VKORC1L1: variants seen among roughly 807,000 people sequenced by gnomAD.
The protein encoded by VKORC1L1 is vitamin K epoxide reductase complex subunit 1-like protein 1.
In VKORC1L1, 2 loss-of-function variants were observed where a neutral mutation model predicts 18.9. The ratio of observed to expected loss-of-function variants is 0.11; its 90% CI spans 0.04 to 0.33. VKORC1L1 has a LOEUF of 0.33. Among genes scored for constraint, VKORC1L1 ranks in the 10% least tolerant of loss-of-function variants. The pLI is 1.00. For missense variants in VKORC1L1, 123 were observed against 224.1 expected (o/e 0.55, Z 2.88); for synonymous variants, 96 against 100.0 (o/e 0.96, Z 0.24).
At chr7:65,917,851 A>ATGTAC (rs1217558979) in intron 1 of VKORC1L1, among the ~76,000 whole-genome samples, 1 of 152,232 alleles carries the variant, frequency 6.6e-6, no homozygotes, top group Non-Finnish European at 1.5e-5. Flanking sequence ...TTTAATGAAC[A>ATGTAC]TGTACGCCTA....
At chr7:65,895,480 A>AATATATATAT (rs1162173957) in intron 1 of VKORC1L1, among the ~76,000 whole-genome samples, 20 of 42,756 alleles carry the variant, frequency 4.7e-4, no homozygotes, top group East Asian at 9.0e-4. Flanking sequence ...AAAAAAAAAA[A>AATATATATAT]ATATATATAT....
chr7:65,873,602 G>A (rs1260020188), intron 1 of VKORC1L1, 37 bp downstream of exon 1: 21 of 1,471,284 alleles, frequency 1.4e-5, no homozygotes, highest in Non-Finnish European at 1.6e-5. Context: ...GAGCGGCCGA[G>A]CGGGGCGAGG....
intron 1 of VKORC1L1, among the ~76,000 whole-genome samples, chr7:65,907,317 A>G (rs1200334564): frequency 2.0e-5 from 3 of 152,010 alleles, no homozygotes; most frequent in Non-Finnish European, 4.4e-5. Context: ...TGTGCCTATA[A>G]TCCCAGCTAC....
rs766044400 is a variant in VKORC1L1, at chr7:65,920,907, GAA to G, written c.195-27762_195-27761del. Among the ~76,000 whole-genome samples the G allele has an allele frequency of 3.3e-5, 4 of 120,150 alleles. No homozygotes were observed. The East Asian group carries it at 1.1e-3, about 33-fold the overall frequency. 78.8% of individuals were successfully genotyped at this position (120,150 alleles called of 152,430 possible). A position where few individuals can be genotyped will look rare whatever the true frequency, so the allele number is the denominator to read the frequency against. ...GAAGGAAGAAAGGAGAAAGGAAAGA[GAA>G]AGAGAAAAAGGAGAAGGAAAGAAAG... On this transcript the variant is annotated intron_variant, in intron 1 of 2. Coordinates refer to ENST00000360768, the MANE Select transcript of VKORC1L1 (RefSeq NM_173517.6).
intron 2 of VKORC1L1, 110 bp downstream of exon 2, chr7:65,948,890 G>A: frequency 7.4e-7 from 1 of 1,343,434 alleles, no homozygotes; most frequent in Non-Finnish European, 1.0e-6. Context: ...AGAACCACTA[G>A]CGTGTACAAC....
chr7:65,919,579 G>A (rs1026477397), intron 1 of VKORC1L1, among the ~76,000 whole-genome samples: 3 of 152,046 alleles, frequency 2.0e-5, no homozygotes, highest in African/African-American at 4.8e-5. Flanking sequence ...AGCAAGTCTT[G>A]GTGGCTCTAC....
intron 1 of VKORC1L1, among the ~76,000 whole-genome samples, chr7:65,909,584 C>T (rs1789465582): frequency 6.6e-6 from 1 of 152,080 alleles, no homozygotes; most frequent in South Asian, 2.1e-4. Flanking sequence ...GTGTGGATCT[C>T]ATTGGTTGAA....
At chr7:65,903,483 G>A (rs1789353280) in intron 1 of VKORC1L1, among the ~76,000 whole-genome samples, 1 of 152,016 alleles carries the variant, frequency 6.6e-6, no homozygotes, top group Non-Finnish European at 1.5e-5. Context: ...CACCTTTAAA[G>A]TGCTTTTTAA....
upstream of VKORC1L1, among the ~76,000 whole-genome samples, chr7:65,868,576 G>T (rs1330341580): frequency 1.3e-5 from 2 of 152,200 alleles, no homozygotes; most frequent in East Asian, 3.8e-4. Context: ...CAACCTAAGT[G>T]TCCATCAACA....
intron 1 of VKORC1L1, among the ~76,000 whole-genome samples, chr7:65,919,456 C>G (rs1470814154): frequency 2.6e-5 from 4 of 152,166 alleles, no homozygotes; most frequent in Admixed American, 6.5e-5. Context: ...GTCTCTGAAG[C>G]CTTTTCTTTC....
At position 65,900,782 on chromosome 7, in the gene VKORC1L1, G is replaced by A. The variant is rs532440867; in HGVS notation, c.194+27217G>A. 5.3e-5 allele frequency among the ~76,000 whole-genome samples: 8 copies of A among 152,294 alleles called. No homozygotes were observed. The South Asian group carries it at 1.2e-3, about 24-fold the overall frequency. ...ATTGCGCCATTGAACTCCTGCCTGG[G>A]TGACAGAGCAAGACTCTGCTAAAAA... On this transcript the variant is annotated intron_variant, in intron 1 of 2. Transcript: ENST00000360768.
rs573516053 is a variant in VKORC1L1 at position 65,945,417 on chromosome 7, T to C, written c.195-3254T>C. Among the ~76,000 whole-genome samples the C allele has an allele frequency of 2.2e-4, 33 of 151,766 alleles. No homozygotes were observed. In the South Asian group the frequency reaches 3.8e-3, roughly 17 times the overall value. ...ACGAGGTCAGCAGATCGAGACCATC[T>C]TGGCTAACACGGTGAAACCCCATCT... On this transcript the variant is annotated intron_variant, in intron 1 of 2. Transcript: ENST00000360768.
intron 1 of VKORC1L1, among the ~76,000 whole-genome samples, chr7:65,898,820 A>G (rs1789261857): frequency 6.6e-6 from 1 of 152,204 alleles, no homozygotes; most frequent in Non-Finnish European, 1.5e-5. Context: ...TTAAACAAGT[A>G]CTTAATACTT....
chr7:65,869,807 G>A (rs932860464), upstream of VKORC1L1, among the ~76,000 whole-genome samples: 10 of 151,574 alleles, frequency 6.6e-5, no homozygotes, highest in South Asian at 2.1e-4. Flanking sequence ...GTGCCACCAC[G>A]CCTGGCTAAT....
chr7:65,909,634 T>C (rs1048843140), intron 1 of VKORC1L1, among the ~76,000 whole-genome samples: 9 of 151,820 alleles, frequency 5.9e-5, no homozygotes, highest in African/African-American at 1.9e-4. Flanking sequence ...TTATAAGGTA[T>C]TTGGTGATCA....
At chr7:65,900,020 T>A (rs1036920401) in intron 1 of VKORC1L1, among the ~76,000 whole-genome samples, 2 of 150,114 alleles carry the variant, frequency 1.3e-5, no homozygotes, top group Non-Finnish European at 3.0e-5. Context: ...AATAGCTTTG[T>A]GCGTGTGTGC....
rs1323311451 is a variant in VKORC1L1, at chr7:65,892,706, T to A, written c.194+19141T>A. ...GTTATTCTAGATGACATGAAGATGATGATGATGATGTTTAGTTCCATTTAT... is the reference window on the plus strand; with the variant it reads ...GTTATTCTAGATGACATGAAGATGAAGATGATGATGTTTAGTTCCATTTAT... On this transcript the variant is annotated intron_variant, in intron 1 of 2. Coordinates refer to ENST00000360768, the MANE Select transcript of VKORC1L1 (RefSeq NM_173517.6). Among the ~76,000 whole-genome samples the A allele has an allele frequency of 2.6e-5, 4 of 152,330 alleles. No individual in the cohort carries two copies. The South Asian group carries it at 8.3e-4, about 32-fold the overall frequency.
chr7:65,914,882 T>C (rs1433962036), intron 1 of VKORC1L1, among the ~76,000 whole-genome samples: 1 of 152,042 alleles, frequency 6.6e-6, no homozygotes, highest in Non-Finnish European at 1.5e-5. Flanking sequence ...GCACATGCCT[T>C]GTGGTCCCAG....
intron 1 of VKORC1L1, among the ~76,000 whole-genome samples, chr7:65,883,727 T>C (rs963386663): frequency 6.6e-6 from 1 of 151,830 alleles, no homozygotes; most frequent in African/African-American, 2.4e-5. Context: ...CTCGACCTCC[T>C]GACCTCGTAA....
Sources: gnomAD v4.1 joint callset for allele counts (sites outside exome capture counted in the v4.1 genomes callset) on GRCh38, gnomAD v4.1.1 for gene constraint, MANE v1.5 for transcripts, NCBI Gene and HGNC (gene_info 2026-07-23, HGNC 2026-07-21) for gene names.